Variants in GRID2 observed in about 807,000 individuals in gnomAD.
GRID2 encodes glutamate receptor ionotropic, delta-2.
Under a neutral mutation model 114.8 loss-of-function variants are expected in GRID2, and 33 were observed. The observed-to-expected ratio is 0.29, with a 90% CI of 0.22 to 0.38. The LOEUF (loss-of-function observed/expected upper bound fraction) is 0.38. GRID2 is among the 10% of genes least tolerant of loss of function. The pLI, the probability that GRID2 is intolerant of heterozygous loss-of-function variation, is 1.00. For missense variants in GRID2, 1,184 were observed against 1,257.7 expected (o/e 0.94, Z 0.89); for synonymous variants, 505 against 449.9 (o/e 1.12, Z -1.55).
chr4:92,323,825 C>G lies in GRID2; in HGVS notation c.88+19081C>G, dbSNP rs535064360. 3.0e-4 allele frequency among the ~76,000 whole-genome samples: 45 copies of G among 152,122 alleles called. No homozygotes were observed. In the South Asian group the frequency reaches 6.4e-3, roughly 22 times the overall value. Reference sequence around the variant, plus strand: ...GAGATTGTCCAGAGCCTAGGACCCTCTTTTGCTCATGAGCACATTGAGAGG... The same window carrying G: ...GAGATTGTCCAGAGCCTAGGACCCTGTTTTGCTCATGAGCACATTGAGAGG... On this transcript the variant is annotated intron_variant, in intron 1 of 15. Coordinates refer to ENST00000282020, the MANE Select transcript of GRID2 (RefSeq NM_001510.4).
At chr4:92,756,035 C>G (rs1285263050) in intron 2 of GRID2, among the ~76,000 whole-genome samples, 1 of 152,080 alleles carries the variant, frequency 6.6e-6, no homozygotes, top group Non-Finnish European at 1.5e-5. Flanking sequence ...TCACCCTACT[C>G]TATGATCAAA....
intron 8 of GRID2, among the ~76,000 whole-genome samples, chr4:93,386,115 C>T (rs920456673): frequency 1.3e-5 from 2 of 152,086 alleles, no homozygotes; most frequent in African/African-American, 4.8e-5. Context: ...GCGCTCAAAA[C>T]TATTAAGGCT....
rs1015752716 is a variant in GRID2 at position 93,085,785 on chromosome 4, A to G, written c.529+506A>G. ...TTAACTCCTTGGAGTCACTAAAATT[A>G]TATCACCATACAGTTCATATTATAT... On this transcript the variant is annotated intron_variant, in intron 3 of 15. Coordinates refer to ENST00000282020, the MANE Select transcript of GRID2 (RefSeq NM_001510.4). Among the ~76,000 whole-genome samples the G allele has an allele frequency of 2.6e-5, 4 of 152,136 alleles. No individual in the cohort carries two copies. In the East Asian group the frequency reaches 7.7e-4, roughly 29 times the overall value.
In GRID2 at chr4:92,590,050, A is replaced by G. The variant is rs185949624; in HGVS notation, c.89-81A>G. 5.6e-4 allele frequency: 523 copies of G among 937,522 alleles called. 1 individual carries two copies. In the African/African-American group the frequency reaches 7.7e-3, roughly 14 times the overall value. The allele number at this position is 937,522 out of a possible 1,614,324, so 58.1% of individuals were successfully genotyped here. On this transcript the variant is annotated intron_variant, in intron 1 of 15. Transcript: ENST00000282020. ...GTGAAAGTATATGTTTTTTAAACAC[A>G]TAAGTCTCCTTGTCATATTTCCAGA...
intron 1 of GRID2, among the ~76,000 whole-genome samples, chr4:92,527,573 A>G (rs1473420745): frequency 6.6e-6 from 1 of 152,114 alleles, no homozygotes; most frequent in Non-Finnish European, 1.5e-5. Context: ...CATTAAATGA[A>G]TATTTCCAAA....
At chr4:92,643,955 C>T (rs1422260146) in intron 2 of GRID2, among the ~76,000 whole-genome samples, 1 of 151,618 alleles carries the variant, frequency 6.6e-6, no homozygotes, top group East Asian at 1.9e-4. Flanking sequence ...TAGTAAATTA[C>T]TATACACACA....
chr4:93,552,930 A>G (rs1375360703), intron 13 of GRID2, among the ~76,000 whole-genome samples: 2 of 152,002 alleles, frequency 1.3e-5, no homozygotes, highest in Non-Finnish European at 2.9e-5. Flanking sequence ...GATGGTTTCC[A>G]GCTTCATATA....
At chr4:93,400,887 A>G (rs954550390) in intron 9 of GRID2, among the ~76,000 whole-genome samples, 1 of 152,052 alleles carries the variant, frequency 6.6e-6, no homozygotes, top group Non-Finnish European at 1.5e-5. Flanking sequence ...CCCAGGCTGG[A>G]GTACAGTGGC....
intron 2 of GRID2, among the ~76,000 whole-genome samples, chr4:92,793,032 G>A (rs975786629): frequency 1.3e-5 from 2 of 151,156 alleles, no homozygotes; most frequent in Admixed American, 6.6e-5. Flanking sequence ...AACATTTTGC[G>A]TAAAGAGAGT....
chr4:92,716,762 G>T (rs1227348353), intron 2 of GRID2, among the ~76,000 whole-genome samples: 1 of 152,114 alleles, frequency 6.6e-6, no homozygotes, highest in Non-Finnish European at 1.5e-5. Flanking sequence ...ATCCATGATT[G>T]CCTGGGAGAA....
At chr4:93,185,896 T>C (rs923521996) in intron 4 of GRID2, among the ~76,000 whole-genome samples, 5 of 149,170 alleles carry the variant, frequency 3.4e-5, no homozygotes, top group Admixed American at 3.3e-4. Flanking sequence ...TCCCTCCCCC[T>C]GACCCCCACC....
At chr4:93,256,143 G>GC (rs1444963985) in intron 8 of GRID2, among the ~76,000 whole-genome samples, 1 of 151,456 alleles carries the variant, frequency 6.6e-6, no homozygotes, top group Non-Finnish European at 1.5e-5. Flanking sequence ...TTAACTTTTA[G>GC]CCTTTTTTTC....
At chr4:92,561,184 T>C (rs556835219) in intron 1 of GRID2, among the ~76,000 whole-genome samples, 115 of 152,370 alleles carry the variant, frequency 7.5e-4, no homozygotes, top group Middle Eastern at 3.4e-3. Flanking sequence ...TATTGATGTG[T>C]GGAAGTCTTT....
chr4:92,481,786 C>T (rs1722601518), intron 1 of GRID2, among the ~76,000 whole-genome samples: 1 of 151,170 alleles, frequency 6.6e-6, no homozygotes, highest in Admixed American at 6.6e-5. Flanking sequence ...CTGTAAATTG[C>T]CTTGGGAAGC....
At chr4:92,584,191 A>G (rs1009870931) in intron 1 of GRID2, among the ~76,000 whole-genome samples, 4 of 151,982 alleles carry the variant, frequency 2.6e-5, no homozygotes, top group Non-Finnish European at 4.4e-5. Context: ...GAAATAAAGG[A>G]GAAATCTGAT....
intron 2 of GRID2, among the ~76,000 whole-genome samples, chr4:92,945,806 C>A (rs929167569): frequency 3.3e-5 from 5 of 152,102 alleles, no homozygotes; most frequent in Non-Finnish European, 5.9e-5. Context: ...TTATTTTCAG[C>A]CTTTTTACTG....
At chr4:92,661,824 G>A (rs1028781358) in intron 2 of GRID2, among the ~76,000 whole-genome samples, 25 of 150,988 alleles carry the variant, frequency 1.7e-4, no homozygotes, top group African/African-American at 5.8e-4. Flanking sequence ...GTAAGTGTAA[G>A]CATTTTAAAT....
chr4:92,792,319 C>G (rs1739629162), intron 2 of GRID2, among the ~76,000 whole-genome samples: 1 of 151,722 alleles, frequency 6.6e-6, no homozygotes, highest in Non-Finnish European at 1.5e-5. Flanking sequence ...AGGTACGTTG[C>G]AGTTAGCTTT....
intron 2 of GRID2, chr4:92,822,289 G>A (rs913643561): frequency 2.3e-5 from 14 of 599,140 alleles, no homozygotes; most frequent in African/African-American, 2.0e-4. Context: ...GCATGGCATG[G>A]CCAGCATTGC....
Sources: allele counts gnomAD v4.1 joint callset (sites outside exome capture counted in the v4.1 genomes callset), GRCh38; gene constraint gnomAD v4.1.1; transcripts MANE v1.5; gene names NCBI Gene and HGNC (gene_info 2026-07-23, HGNC 2026-07-21).